Variants in LRTM3 observed in about 807,000 individuals in gnomAD.
LRTM3 encodes leucine rich repeat transmembrane protein 3, also known as leucine-rich repeat transmembrane protein 3.
the LRTM3 span, chr13:102,758,594 A>C: frequency 1.9e-6 from 3 of 1,544,150 alleles, no homozygotes; most frequent in African/African-American, 1.4e-5. Context: ...AATGGAAAAA[A>C]AATTGTTAGA....
At chr13:102,750,378 A>T in the LRTM3 span, 4 of 1,487,260 alleles carry the variant, frequency 2.7e-6, no homozygotes, top group Non-Finnish European at 3.6e-6. Flanking sequence ...TTTTCTAAAA[A>T]GGTGCCAACT....
At chr13:102,746,797 T>G in the LRTM3 span, 1 of 1,551,274 alleles carries the variant, frequency 6.4e-7, no homozygotes, top group South Asian at 1.2e-5. Context: ...GAATATAACT[T>G]TCTCTTGTTT....
the LRTM3 span, chr13:102,737,100 G>A: frequency 3.6e-5 from 56 of 1,551,050 alleles, no homozygotes; most frequent in Non-Finnish European, 4.7e-5. Context: ...GGGATATTGA[G>A]TGTATGTGGA....
the LRTM3 span, chr13:102,746,719 T>G: frequency 6.4e-7 from 1 of 1,551,148 alleles, no homozygotes; most frequent in African/African-American, 1.4e-5. Flanking sequence ...CTGGTAAATC[T>G]TTTGGTATTT....
chr13:102,754,521 A>G, the LRTM3 span, among the ~76,000 whole-genome samples: 3 of 152,134 alleles, frequency 2.0e-5, no homozygotes, highest in Non-Finnish European at 2.9e-5. Context: ...ATTGCTAACA[A>G]CAAACTGACC....
At chr13:102,731,792 A>G in the LRTM3 span, 4 of 1,550,928 alleles carry the variant, frequency 2.6e-6, no homozygotes, top group South Asian at 3.6e-5. Context: ...TTGTGTGGTC[A>G]TGTCCCATAC....
chr13:102,734,902 A>G, the LRTM3 span: 1 of 1,551,060 alleles, frequency 6.4e-7, no homozygotes, highest in Non-Finnish European at 8.7e-7. Flanking sequence ...TCTGTGACAC[A>G]TGTTTTCCTT....
At chr13:102,739,014 T>C in the LRTM3 span, 3 of 1,550,486 alleles carry the variant, frequency 1.9e-6, no homozygotes, top group Non-Finnish European at 2.6e-6. Flanking sequence ...CATTTTTCCA[T>C]TGTATCTGAT....
chr13:102,732,984 G>A, the LRTM3 span: 13 of 1,551,318 alleles, frequency 8.4e-6, no homozygotes, highest in Admixed American at 5.9e-5. Context: ...TCTGAAATGA[G>A]CAATGCCTGC....
chr13:102,742,827 C>G, the LRTM3 span: 1 of 1,550,502 alleles, frequency 6.4e-7, no homozygotes, highest in Non-Finnish European at 8.7e-7. Context: ...TTACAGAAAG[C>G]ATTTTCTTTT....
chr13:102,747,582 T>C, the LRTM3 span: 1 of 1,551,206 alleles, frequency 6.4e-7, no homozygotes. Context: ...TCTTCTGCAA[T>C]ATGACTATCC....
chr13:102,734,482 A>G, the LRTM3 span: 1 of 1,551,298 alleles, frequency 6.4e-7, no homozygotes, highest in Non-Finnish European at 8.7e-7. Flanking sequence ...CTTGCCCTCC[A>G]ATGTTCACAT....
chr13:102,742,889 T>C, the LRTM3 span: 12 of 1,550,718 alleles, frequency 7.7e-6, no homozygotes, highest in African/African-American at 1.5e-4. Flanking sequence ...TATGGCATCA[T>C]CTGTTGCCTC....
At chr13:102,742,972 G>GT in the LRTM3 span, 68 of 1,540,368 alleles carry the variant, frequency 4.4e-5, no homozygotes, top group Middle Eastern at 3.4e-4. Flanking sequence ...TTCCATTTTT[G>GT]TTTTTTTCTA....
the LRTM3 span, chr13:102,750,283 T>A: frequency 6.5e-7 from 1 of 1,550,068 alleles, no homozygotes; most frequent in South Asian, 1.2e-5. Flanking sequence ...CACTAGTACC[T>A]GACCATAGTA....
At chr13:102,741,989 T>C in the LRTM3 span, 19 of 1,550,642 alleles carry the variant, frequency 1.2e-5, no homozygotes, top group Non-Finnish European at 1.6e-5. Flanking sequence ...GCTGGACATA[T>C]CAGTACAACC....
chr13:102,730,651 A>C, the LRTM3 span: 1 of 1,552,016 alleles, frequency 6.4e-7, no homozygotes, highest in Non-Finnish European at 8.7e-7. Context: ...TTTCATGGGG[A>C]CTTTGCTTTT....
the LRTM3 span, chr13:102,732,971 T>G: frequency 6.4e-7 from 1 of 1,551,442 alleles, no homozygotes; most frequent in South Asian, 1.2e-5. Flanking sequence ...ACCTTCCTCT[T>G]GTTCTGAAAT....
At chr13:102,748,375 TC>T in the LRTM3 span, 9 of 1,551,084 alleles carry the variant, frequency 5.8e-6, no homozygotes, top group Non-Finnish European at 7.8e-6. Context: ...GCATTTTGCT[TC>T]CTGGGGAAAT....
Sources: allele counts gnomAD v4.1 joint callset (sites outside exome capture counted in the v4.1 genomes callset), GRCh38; gene constraint gnomAD v4.1.1; transcripts MANE v1.5; gene names NCBI Gene and HGNC (gene_info 2026-07-23, HGNC 2026-07-21).